The following PCSK5 variants were observed in gnomAD, a reference collection of about 807,000 sequenced individuals.
PCSK5 encodes the protein proprotein convertase subtilisin/kexin type 5, also known as prohormone convertase 5.
A neutral mutation model predicts 233.2 loss-of-function variants in PCSK5; 129 were observed. The ratio of observed to expected loss-of-function variants is 0.55; its 90% CI spans 0.48 to 0.64. PCSK5 has a LOEUF of 0.64. Ranked by LOEUF, PCSK5 falls within the 30% of genes least tolerant of loss-of-function variation. The pLI is 0.00. For missense variants in PCSK5, 2,076 were observed against 2,430.1 expected, an observed-to-expected ratio of 0.85 and a Z score of 3.06; for synonymous variants, 825 against 879.2, an observed-to-expected ratio of 0.94 and a Z score of 1.09.
chr9:76,323,165 A>C lies in PCSK5; in HGVS notation c.4216A>C (p.Ser1406Arg), dbSNP rs750244268. The C allele has an allele frequency of 1.2e-6, 2 of 1,612,244 alleles. No homozygotes were observed. Among genetic ancestry groups the C allele is most frequent in the Admixed American group, 3.3e-5 (2 of 59,982 alleles). ...VPCHKDCLECSGPKADDCELC... is the reference protein window; with the variant it reads ...VPCHKDCLECRGPKADDCELC... ...CTGCCATAAAGACTGTCTGGAGTGC[A>C]GTGGCCCCAAAGCCGACGACTGCGA... Residue 1406 changes from serine to arginine, a missense_variant, in exon 32 of 38, where the codon AGT becomes CGT. Physicochemically the swap from Ser to Arg is moderately radical, Grantham distance 110 (BLOSUM62 -1). Coordinates refer to ENST00000674117, the MANE Select transcript of PCSK5 (RefSeq NM_001372043.1).
intron 24 of PCSK5, among the ~76,000 whole-genome samples, chr9:76,247,145 G>GA (rs1826634013): frequency 6.6e-6 from 1 of 152,204 alleles, no homozygotes; most frequent in African/African-American, 2.4e-5. Flanking sequence ...AGTGGCAATG[G>GA]GCACCTCGCT....
chr9:75,949,493 A>G (rs1023361973), intron 2 of PCSK5, among the ~76,000 whole-genome samples: 2 of 151,978 alleles, frequency 1.3e-5, no homozygotes, highest in African/African-American at 2.4e-5. Context: ...GCCAATATTT[A>G]TGTTGGGACA....
At position 76,212,239 on chromosome 9, in the gene PCSK5, ACT is replaced by A. The variant is rs137876937; in HGVS notation, c.2627-15261_2627-15260del. ...CATCATTTTGGTACCTAAACATGAC[ACT>A]CTATCTGGCAACAATGAAAGGCACT... On this transcript the variant is annotated intron_variant, in intron 20 of 37. Coordinates refer to ENST00000674117, the MANE Select transcript of PCSK5 (RefSeq NM_001372043.1). Among the ~76,000 whole-genome samples the A allele has an allele frequency of 6.4e-3, 968 of 152,034 alleles. 9 individuals are homozygous for A. The highest frequency in any genetic ancestry group is 0.022 in the African/African-American group (926 of 41,458).
intron 20 of PCSK5, among the ~76,000 whole-genome samples, chr9:76,218,443 A>G (rs999478138): frequency 3.3e-5 from 5 of 152,104 alleles, no homozygotes; most frequent in African/African-American, 1.2e-4. Flanking sequence ...ACAATTTGGG[A>G]TCCAGTCTGA....
At chr9:76,106,495 G>A (rs191985400) in intron 8 of PCSK5, among the ~76,000 whole-genome samples, 27 of 152,316 alleles carry the variant, frequency 1.8e-4, no homozygotes, top group African/African-American at 5.8e-4. Context: ...CAGCTGAAGT[G>A]AACTGGATTT....
chr9:75,927,460 C>T (rs2131269692), intron 1 of PCSK5, among the ~76,000 whole-genome samples: 1 of 152,272 alleles, frequency 6.6e-6, no homozygotes, highest in South Asian at 2.1e-4. Context: ...CCAACTGTCC[C>T]TATTTCAGCA....
chr9:76,324,990 G>A (rs1445048776), intron 32 of PCSK5, among the ~76,000 whole-genome samples: 3 of 152,268 alleles, frequency 2.0e-5, no homozygotes, highest in Non-Finnish European at 2.9e-5. Flanking sequence ...AGTAGGACAC[G>A]AAGATGTGTC....
intron 24 of PCSK5, among the ~76,000 whole-genome samples, chr9:76,243,925 C>CA (rs1252063878): frequency 6.6e-6 from 1 of 152,152 alleles, no homozygotes; most frequent in Non-Finnish European, 1.5e-5. Flanking sequence ...CCATACAATA[C>CA]AAAAATAAAT....
At chr9:76,046,902 A>G (rs1320061633) in intron 5 of PCSK5, among the ~76,000 whole-genome samples, 1 of 152,024 alleles carries the variant, frequency 6.6e-6, no homozygotes, top group Non-Finnish European at 1.5e-5. Flanking sequence ...CTGTGAACAC[A>G]CTTCTTCTCT....
intron 34 of PCSK5, 39 bp from the exon 35 acceptor site, chr9:76,338,191 A>G (rs755483507): frequency 4.2e-5 from 62 of 1,466,472 alleles, no homozygotes; most frequent in Admixed American, 7.4e-5. Flanking sequence ...TTTAGGAGCA[A>G]AGCTTACTAT....
chr9:76,160,620 G>A (rs1400381172), intron 12 of PCSK5, among the ~76,000 whole-genome samples: 1 of 152,184 alleles, frequency 6.6e-6, no homozygotes, highest in Admixed American at 6.5e-5. Flanking sequence ...AGAGGCAAGA[G>A]GCCCATGAAA....
chr9:76,267,735 T>G (rs1587819799), intron 24 of PCSK5, among the ~76,000 whole-genome samples: 1 of 152,210 alleles, frequency 6.6e-6, no homozygotes, highest in Admixed American at 6.5e-5. Flanking sequence ...ATGAACCATT[T>G]AGATGAAGTA....
chr9:75,926,861 T>A (rs1332213716), intron 1 of PCSK5, among the ~76,000 whole-genome samples: 1 of 152,250 alleles, frequency 6.6e-6, no homozygotes, highest in Non-Finnish European at 1.5e-5. Flanking sequence ...TACATGTAGT[T>A]TTTCATTCAC....
intron 16 of PCSK5, among the ~76,000 whole-genome samples, chr9:76,183,534 G>A (rs1823966224): frequency 6.6e-6 from 1 of 152,170 alleles, no homozygotes; most frequent in Non-Finnish European, 1.5e-5. Context: ...ATGAATAAAA[G>A]AACAGAGACC....
chr9:76,270,216 GT>G (rs1397572395), intron 24 of PCSK5, among the ~76,000 whole-genome samples: 1 of 152,032 alleles, frequency 6.6e-6, no homozygotes, highest in African/African-American at 2.4e-5. Flanking sequence ...CAGCAGTTTT[GT>G]TTCTGTTTGA....
chr9:75,914,239 G>T (rs1162565028), intron 1 of PCSK5, among the ~76,000 whole-genome samples: 5 of 152,168 alleles, frequency 3.3e-5, no homozygotes, highest in Non-Finnish European at 5.9e-5. Flanking sequence ...TCTGAGATGT[G>T]AGAGTATGAC....
intron 12 of PCSK5, among the ~76,000 whole-genome samples, chr9:76,164,494 T>G (rs1823013459): frequency 6.6e-6 from 1 of 152,236 alleles, no homozygotes; most frequent in Non-Finnish European, 1.5e-5. Flanking sequence ...TGGTAACTCT[T>G]ATTTACACAG....
At chr9:76,285,552 G>GT (rs1284666448) in intron 24 of PCSK5, among the ~76,000 whole-genome samples, 2 of 152,118 alleles carry the variant, frequency 1.3e-5, no homozygotes, top group Admixed American at 1.3e-4. Flanking sequence ...ATAGCAAGTG[G>GT]TAGGGGGGGA....
rs565826746 is a variant in PCSK5 at position 76,028,912 on chromosome 9, G to T, written c.632+1875G>T. Reference sequence around the variant, plus strand: ...GGTTAGAAGCAAGATGGAGGAGTCGGTTGGGTCTGATCTCTTTCAGTGTCA... The same window carrying T: ...GGTTAGAAGCAAGATGGAGGAGTCGTTTGGGTCTGATCTCTTTCAGTGTCA... On this transcript the variant is annotated intron_variant, in intron 5 of 37. Transcript: ENST00000674117. Among the ~76,000 whole-genome samples the T allele has an allele frequency of 2.0e-5, 3 of 152,268 alleles. No homozygotes were observed. The South Asian group carries it at 6.2e-4, about 32-fold the overall frequency.
Sources: gnomAD v4.1 joint callset for allele counts (sites outside exome capture counted in the v4.1 genomes callset) on GRCh38, gnomAD v4.1.1 for gene constraint, MANE v1.5 for transcripts, NCBI Gene and HGNC (gene_info 2026-07-23, HGNC 2026-07-21) for gene names.